The following NKAIN2 variants were observed in gnomAD, a reference collection of about 807,000 sequenced individuals.
The protein encoded by NKAIN2 is sodium/potassium-transporting ATPase subunit beta-1-interacting protein 2.
A neutral mutation model predicts 32.6 loss-of-function variants in NKAIN2; 14 were observed. The ratio of observed to expected loss-of-function variants is 0.43; its 90% CI spans 0.28 to 0.67. The LOEUF (loss-of-function observed/expected upper bound fraction) is 0.67. Among genes scored for constraint, NKAIN2 ranks in the 30% least tolerant of loss-of-function variants. NKAIN2 has a pLI of 0.17. For missense variants in NKAIN2, 198 were observed against 258.3 expected (o/e 0.77, Z 1.60); for synonymous variants, 80 against 87.2 (o/e 0.92, Z 0.46).
At chr6:124,463,580 C>G (rs1274810756) in intron 3 of NKAIN2, among the ~76,000 whole-genome samples, 1 of 152,044 alleles carries the variant, frequency 6.6e-6, no homozygotes, top group African/African-American at 2.4e-5. Flanking sequence ...ATCGCCCTAT[C>G]TCTTTACCTT....
At chr6:124,563,084 T>G (rs1780763516) in intron 3 of NKAIN2, among the ~76,000 whole-genome samples, 1 of 152,028 alleles carries the variant, frequency 6.6e-6, no homozygotes, top group Admixed American at 6.6e-5. Context: ...TTTTGTATTT[T>G]TAGTAGAGAC....
At chr6:124,759,560 G>C (rs1475793560) in intron 4 of NKAIN2, among the ~76,000 whole-genome samples, 3 of 139,626 alleles carry the variant, frequency 2.1e-5, no homozygotes, top group Non-Finnish European at 4.5e-5. Context: ...AAGGAAGTCT[G>C]CCCCCTAGCC....
At chr6:124,721,761 T>C (rs1776030468) in intron 4 of NKAIN2, among the ~76,000 whole-genome samples, 1 of 152,206 alleles carries the variant, frequency 6.6e-6, no homozygotes, top group Admixed American at 6.5e-5. Context: ...CACCCATTGG[T>C]GCCTCAATGT....
intron 4 of NKAIN2, among the ~76,000 whole-genome samples, chr6:124,659,172 T>G (rs1423482923): frequency 1.3e-5 from 2 of 152,184 alleles, no homozygotes; most frequent in African/African-American, 4.8e-5. Context: ...ATGAATCCAT[T>G]TATTCATTAC....
At chr6:123,842,001 C>T (rs1272233999) in intron 1 of NKAIN2, among the ~76,000 whole-genome samples, 1 of 152,066 alleles carries the variant, frequency 6.6e-6, no homozygotes, top group Non-Finnish European at 1.5e-5. Flanking sequence ...TGGGAAGATT[C>T]CATAGTAGAT....
intron 4 of NKAIN2, among the ~76,000 whole-genome samples, chr6:124,670,232 A>G (rs1413509322): frequency 6.6e-6 from 1 of 152,068 alleles, no homozygotes; most frequent in African/African-American, 2.4e-5. Flanking sequence ...CGATTATAAA[A>G]CCTATTCTCC....
intron 1 of NKAIN2, among the ~76,000 whole-genome samples, chr6:124,226,938 A>G (rs1792144388): frequency 6.6e-6 from 1 of 152,090 alleles, no homozygotes; most frequent in Non-Finnish European, 1.5e-5. Flanking sequence ...TTCTCCCAAT[A>G]ATCCTGTAAG....
At chr6:124,500,301 G>A (rs1366284676) in intron 3 of NKAIN2, among the ~76,000 whole-genome samples, 1 of 151,980 alleles carries the variant, frequency 6.6e-6, no homozygotes, top group East Asian at 1.9e-4. Flanking sequence ...ATTGCACTAA[G>A]AACAGCAGGG....
At position 124,329,882 on chromosome 6, in the gene NKAIN2, A is replaced by G. The variant is rs140478622; in HGVS notation, c.193-25385A>G. Among the ~76,000 whole-genome samples, 541 of 152,316 alleles carry G rather than the reference A, an allele frequency of 3.6e-3. 3 individuals carry two copies. The highest frequency in any genetic ancestry group is 0.017 in the Middle Eastern group (5 of 294). On this transcript the variant is annotated intron_variant, in intron 2 of 6. Coordinates refer to ENST00000368417, the MANE Select transcript of NKAIN2 (RefSeq NM_001040214.3). ...CGTATGTTGTTGGAACAAACATTCTATATGGCCTCAGTGACTGGTTCTTCT... is the reference window on the plus strand; with the variant it reads ...CGTATGTTGTTGGAACAAACATTCTGTATGGCCTCAGTGACTGGTTCTTCT...
rs35216364 is a variant in NKAIN2 at position 124,135,216 on chromosome 6, GAA to G, written c.55-147779_55-147778del. On this transcript the variant is annotated intron_variant, in intron 1 of 6. Coordinates refer to ENST00000368417, the MANE Select transcript of NKAIN2 (RefSeq NM_001040214.3). ...AGAGTCTATAAAACAATTACACAATGAAAAAAAAAAACTGTTTAGGCAACAAC... is the reference window on the plus strand; with the variant it reads ...AGAGTCTATAAAACAATTACACAATGAAAAAAAAACTGTTTAGGCAACAAC... Among the ~76,000 whole-genome samples the G allele has an allele frequency of 3.1e-4, 46 of 148,998 alleles. No individual in the cohort carries two copies. In the East Asian group the frequency reaches 7.3e-3, roughly 24 times the overall value.
At chr6:124,534,711 T>C (rs1356259529) in intron 3 of NKAIN2, among the ~76,000 whole-genome samples, 1 of 152,210 alleles carries the variant, frequency 6.6e-6, no homozygotes, top group Admixed American at 6.5e-5. Context: ...CTTAGCTTGT[T>C]TCATTTGGCC....
At chr6:124,140,156 G>A (rs1787063164) in intron 1 of NKAIN2, among the ~76,000 whole-genome samples, 1 of 152,230 alleles carries the variant, frequency 6.6e-6, no homozygotes, top group South Asian at 2.1e-4. Flanking sequence ...AGCATCACAT[G>A]TTCCCATTAG....
chr6:124,595,775 T>A (rs1782063187), intron 3 of NKAIN2, among the ~76,000 whole-genome samples: 1 of 152,154 alleles, frequency 6.6e-6, no homozygotes, highest in Admixed American at 6.6e-5. Context: ...AAATATTAAG[T>A]AGTGCAGCGA....
At chr6:124,031,540 G>A (rs1781405743) in intron 1 of NKAIN2, among the ~76,000 whole-genome samples, 1 of 152,018 alleles carries the variant, frequency 6.6e-6, no homozygotes, top group Admixed American at 6.6e-5. Flanking sequence ...TTCTCTTGTG[G>A]ACATTTAGTG....
intron 2 of NKAIN2, among the ~76,000 whole-genome samples, chr6:124,299,626 A>G: frequency 6.6e-6 from 1 of 152,210 alleles, no homozygotes; most frequent in East Asian, 1.9e-4. Context: ...AGATATTAGT[A>G]TGCATATATG....
intron 1 of NKAIN2, among the ~76,000 whole-genome samples, chr6:123,863,633 G>T (rs1432864192): frequency 6.6e-6 from 1 of 152,080 alleles, no homozygotes; most frequent in African/African-American, 2.4e-5. Context: ...CTTGGCCTGT[G>T]GGCACCATTG....
At chr6:123,815,695 C>T (rs185293892) in intron 1 of NKAIN2, among the ~76,000 whole-genome samples, 1 of 152,090 alleles carries the variant, frequency 6.6e-6, no homozygotes, top group Admixed American at 6.5e-5. Context: ...AGAGCTTCTG[C>T]TTATCAACAA....
rs578122731 is a variant in NKAIN2 at position 124,349,972 on chromosome 6, A to G, written c.193-5295A>G. On this transcript the variant is annotated intron_variant, in intron 2 of 6. Transcript: ENST00000368417. ...TCTTAAAAGTGAATTTTATCATACAATAGAATTTTTCTCTCATCACAGACA... is the reference window on the plus strand; with the variant it reads ...TCTTAAAAGTGAATTTTATCATACAGTAGAATTTTTCTCTCATCACAGACA... 2.6e-5 allele frequency among the ~76,000 whole-genome samples: 4 copies of G among 152,344 alleles called. No individual in the cohort carries two copies. In the South Asian group the frequency reaches 8.3e-4, roughly 32 times the overall value.
At chr6:124,770,090 G>T (rs1485963318) in intron 4 of NKAIN2, among the ~76,000 whole-genome samples, 1 of 152,010 alleles carries the variant, frequency 6.6e-6, no homozygotes, top group Non-Finnish European at 1.5e-5. Flanking sequence ...GCTTCAATAG[G>T]GGTTAGAGAA....
Sources: gnomAD v4.1 joint callset for allele counts (sites outside exome capture counted in the v4.1 genomes callset) on GRCh38, gnomAD v4.1.1 for gene constraint, MANE v1.5 for transcripts, NCBI Gene and HGNC (gene_info 2026-07-23, HGNC 2026-07-21) for gene names.